NDC1: variants seen among roughly 807,000 people sequenced by gnomAD.
NDC1 encodes nucleoporin NDC1.
Under a neutral mutation model 89.8 loss-of-function variants are expected in NDC1, and 24 were observed. That is an observed-to-expected ratio of 0.27 (90% CI 0.19 to 0.38). The LOEUF is 0.38. NDC1 is among the 10% of genes least tolerant of loss of function. NDC1 has a pLI of 1.00. For missense variants in NDC1, 728 were observed against 797.6 expected (o/e 0.91, Z 1.05); for synonymous variants, 296 against 284.8 (o/e 1.04, Z -0.39).
chr1:53,770,281 TTTTTA>T (rs1387265265), intron 17 of NDC1, among the ~76,000 whole-genome samples: 1 of 152,122 alleles, frequency 6.6e-6, no homozygotes. Flanking sequence ...ATTCTCACAA[TTTTTA>T]TTTTATTTAT....
intron 9 of NDC1, among the ~76,000 whole-genome samples, chr1:53,804,817 T>C (rs1408765992): frequency 6.6e-6 from 1 of 151,996 alleles, no homozygotes; most frequent in East Asian, 1.9e-4. Context: ...TCTTCATCTT[T>C]TCCCAGGCAA....
intron 16 of NDC1, among the ~76,000 whole-genome samples, chr1:53,773,979 G>A (rs1324106656): frequency 1.3e-5 from 2 of 152,092 alleles, no homozygotes; most frequent in African/African-American, 2.4e-5. Context: ...CTTCACGCGT[G>A]GTTCTAGAGT....
At position 53,798,138 on chromosome 1, in the gene NDC1, T is replaced by TTTTTTATTATTA. The variant is rs138762442; in HGVS notation, c.1223-995_1223-994insTAATAATAAAAA. Reference sequence around the variant, plus strand: ...CATTGCATTAGGATTCCATCTTCTTTTTATTATTATTATTATTATTATTAT... The same window carrying TTTTTTATTATTA: ...CATTGCATTAGGATTCCATCTTCTTTTTTTTATTATTATTATTATTATTATTATTATTATTAT... On this transcript the variant is annotated intron_variant, in intron 11 of 17. Transcript: ENST00000371429. Among the ~76,000 whole-genome samples the TTTTTTATTATTA allele has an allele frequency of 1.4e-3, 183 of 133,006 alleles. 2 individuals are homozygous for TTTTTTATTATTA. The highest frequency in any genetic ancestry group is 3.2e-3 in the East Asian group (15 of 4,664). The allele number at this position is 133,006 out of a possible 152,430, so 87.3% of individuals were successfully genotyped here.
intron 14 of NDC1, among the ~76,000 whole-genome samples, chr1:53,789,677 T>C (rs576659758): frequency 2.2e-4 from 33 of 151,556 alleles, no homozygotes; most frequent in African/African-American, 8.0e-4. Context: ...CAGGTGCCTG[T>C]AATCCCAGCT....
At chr1:53,811,629 T>A (rs1234979890) in intron 6 of NDC1, among the ~76,000 whole-genome samples, 1 of 150,528 alleles carries the variant, frequency 6.6e-6, no homozygotes, top group African/African-American at 2.5e-5. Context: ...CCCAGGAGAG[T>A]CTGAGCTCAG....
intron 6 of NDC1, among the ~76,000 whole-genome samples, chr1:53,817,144 T>C (rs1355381535): frequency 6.6e-6 from 1 of 152,194 alleles, no homozygotes; most frequent in East Asian, 1.9e-4. Context: ...ACTGCGTATC[T>C]ACTCAGAGGA....
intron 2 of NDC1, among the ~76,000 whole-genome samples, chr1:53,834,294 A>G (rs1649159703): frequency 6.6e-6 from 1 of 152,248 alleles, no homozygotes; most frequent in Non-Finnish European, 1.5e-5. Context: ...TGAGTACTCT[A>G]AGGTTGCCAC....
At chr1:53,789,323 A>C in intron 14 of NDC1, 127 bp from the exon 15 acceptor site, 1 of 597,918 alleles carries the variant, frequency 1.7e-6, no homozygotes, top group Non-Finnish European at 3.0e-6. Flanking sequence ...AAAATTTAAA[A>C]TAAATTCTTT....
intron 6 of NDC1, among the ~76,000 whole-genome samples, chr1:53,810,927 G>A (rs1398999992): frequency 1.3e-5 from 2 of 152,164 alleles, no homozygotes; most frequent in African/African-American, 2.4e-5. Context: ...TGAGGACCCG[G>A]GAGACACCCC....
rs1024843088 is a variant in NDC1 at position 53,826,046 on chromosome 1, T to C, written c.456-110A>G. On this transcript the variant is annotated intron_variant, in intron 4 of 17. Coordinates refer to ENST00000371429, the MANE Select transcript of NDC1 (RefSeq NM_018087.5). ...TTAATTACTTTAATGACTTAAGAAATGTCCCAAATTCTAACAAGATGGCTC... is the reference window on the plus strand; with the variant it reads ...TTAATTACTTTAATGACTTAAGAAACGTCCCAAATTCTAACAAGATGGCTC... The C allele has an allele frequency of 5.5e-6, 6 of 1,082,164 alleles. No individual in the cohort carries two copies. The South Asian group carries it at 6.1e-5, about 11-fold the overall frequency. The allele number at this position is 1,082,164 out of a possible 1,614,324, so 67.0% of individuals were successfully genotyped here.
At chr1:53,771,922 G>A (rs1418793466) in intron 17 of NDC1, among the ~76,000 whole-genome samples, 2 of 152,144 alleles carry the variant, frequency 1.3e-5, no homozygotes, top group Non-Finnish European at 2.9e-5. Flanking sequence ...AAGCACCAGG[G>A]ATTCATTTCT....
At chr1:53,826,130 G>A (rs913201097) in intron 4 of NDC1, among the ~76,000 whole-genome samples, 194 bp from the exon 5 acceptor site, 2 of 152,276 alleles carry the variant, frequency 1.3e-5, no homozygotes, top group South Asian at 4.2e-4. Flanking sequence ...ATGAGACTCT[G>A]ATCTTTAATT....
At chr1:53,805,547 T>C (rs1293469899) in intron 9 of NDC1, among the ~76,000 whole-genome samples, 2 of 152,144 alleles carry the variant, frequency 1.3e-5, no homozygotes, top group African/African-American at 4.8e-5. Flanking sequence ...GTAGATCTAG[T>C]TTAAAATTTC....
At chr1:53,831,965 T>C (rs1281289378) in intron 3 of NDC1, among the ~76,000 whole-genome samples, 1 of 152,208 alleles carries the variant, frequency 6.6e-6, no homozygotes, top group African/African-American at 2.4e-5. Context: ...AAAGGAATTC[T>C]TTTCATAATG....
chr1:53,800,893 A>G (rs1323618326), intron 10 of NDC1, 45 bp from the exon 11 acceptor site: 2 of 1,517,570 alleles, frequency 1.3e-6, no homozygotes, highest in Admixed American at 4.4e-5. Flanking sequence ...ATAATCTTAC[A>G]TTCCCCTCTT....
At chr1:53,808,835 T>C (rs370298730) in intron 7 of NDC1, among the ~76,000 whole-genome samples, 1 of 152,174 alleles carries the variant, frequency 6.6e-6, no homozygotes, top group African/African-American at 2.4e-5. Flanking sequence ...CCTAGAAACT[T>C]TGAAAAGTGA....
chr1:53,827,655 CTT>C lies in NDC1; in HGVS notation c.455+342_455+343del, dbSNP rs777656173. On this transcript the variant is annotated intron_variant, in intron 4 of 17. Transcript: ENST00000371429. ...CTTCCAAGAACATGTGTGGATCCCT[CTT>C]GTTTTCTGAACCTCCACAGGTTTTG... Among the ~76,000 whole-genome samples, 14 of 152,238 alleles carry C rather than the reference CTT, an allele frequency of 9.2e-5. 1 individual carries two copies. Among genetic ancestry groups the C allele is most frequent in the African/African-American group, 1.9e-4 (8 of 41,530 alleles).
At chr1:53,822,586 C>T (rs1277748270) in intron 5 of NDC1, among the ~76,000 whole-genome samples, 1 of 151,686 alleles carries the variant, frequency 6.6e-6, no homozygotes, top group Non-Finnish European at 1.5e-5. Flanking sequence ...TATCCTTAAT[C>T]CCATTGGTAA....
At chr1:53,784,391 C>T (rs892034493) in intron 16 of NDC1, among the ~76,000 whole-genome samples, 3 of 152,290 alleles carry the variant, frequency 2.0e-5, no homozygotes, top group Non-Finnish European at 4.4e-5. Flanking sequence ...CAGTGGCTCA[C>T]GCCTGCAGCA....
Sources: allele counts gnomAD v4.1 joint callset (sites outside exome capture counted in the v4.1 genomes callset), GRCh38; gene constraint gnomAD v4.1.1; transcripts MANE v1.5; gene names NCBI Gene and HGNC (gene_info 2026-07-23, HGNC 2026-07-21).